The following ADAMTS3 variants were observed in gnomAD, a reference collection of about 807,000 sequenced individuals.
The protein encoded by ADAMTS3 is A disintegrin and metalloproteinase with thrombospondin motifs 3.
In ADAMTS3, 73 loss-of-function variants were observed where a neutral mutation model predicts 129.0. The ratio of observed to expected loss-of-function variants is 0.57; its 90% CI spans 0.47 to 0.69. The LOEUF (loss-of-function observed/expected upper bound fraction) is 0.69. Ranked by LOEUF, ADAMTS3 falls within the 30% of genes least tolerant of loss-of-function variation. The pLI is 0.00. For missense variants in ADAMTS3, 1,457 were observed against 1,514.5 expected (o/e 0.96, Z 0.63); for synonymous variants, 477 against 510.8 (o/e 0.93, Z 0.89).
intron 3 of ADAMTS3, among the ~76,000 whole-genome samples, chr4:72,479,465 T>C (rs1719358343): frequency 6.6e-6 from 1 of 152,202 alleles, no homozygotes; most frequent in East Asian, 1.9e-4. Flanking sequence ...ATTTAATAAA[T>C]GGTGCTGGGA....
At position 72,377,445 on chromosome 4, in the gene ADAMTS3, G is replaced by A. The variant is rs182883075; in HGVS notation, c.661+37370C>T. 1.1e-3 allele frequency among the ~76,000 whole-genome samples: 160 copies of A among 152,266 alleles called. 2 individuals are homozygous for A. Among genetic ancestry groups the A allele is most frequent in the African/African-American group, 3.7e-3 (152 of 41,560 alleles). Reference sequence around the variant, plus strand: ...GAGGAAAAAGGATTTAGGATTATATGTCATTACAGAATAACTCCACTTGAG... The same window carrying A: ...GAGGAAAAAGGATTTAGGATTATATATCATTACAGAATAACTCCACTTGAG... On this transcript the variant is annotated intron_variant, in intron 4 of 21. Transcript: ENST00000286657.
intron 3 of ADAMTS3, among the ~76,000 whole-genome samples, chr4:72,495,818 T>C (rs888526823): frequency 1.3e-5 from 2 of 152,186 alleles, no homozygotes. Flanking sequence ...TATTTAAGCC[T>C]GGTTAAAAGA....
chr4:72,448,442 G>A (rs923764705), intron 3 of ADAMTS3, among the ~76,000 whole-genome samples: 10 of 151,648 alleles, frequency 6.6e-5, no homozygotes, highest in Non-Finnish European at 8.8e-5. Flanking sequence ...CCAAAGCATC[G>A]GTAACAAACT....
chr4:72,406,977 T>C (rs1722067457), intron 4 of ADAMTS3, among the ~76,000 whole-genome samples: 1 of 152,116 alleles, frequency 6.6e-6, no homozygotes, highest in South Asian at 2.1e-4. Flanking sequence ...GATAGCAACC[T>C]AAGGTGAACC....
intron 4 of ADAMTS3, among the ~76,000 whole-genome samples, chr4:72,389,005 T>C: frequency 6.6e-6 from 1 of 152,216 alleles, no homozygotes; most frequent in Non-Finnish European, 1.5e-5. Context: ...TGGGGGCTGG[T>C]CACGTAGCCA....
At chr4:72,336,538 G>A (rs1007867816) in intron 5 of ADAMTS3, among the ~76,000 whole-genome samples, 1 of 152,118 alleles carries the variant, frequency 6.6e-6, no homozygotes, top group Non-Finnish European at 1.5e-5. Context: ...GCCTGCTCAG[G>A]TCAGTATTTT....
intron 3 of ADAMTS3, among the ~76,000 whole-genome samples, chr4:72,450,708 C>T (rs558519601): frequency 2.0e-5 from 3 of 151,554 alleles, no homozygotes; most frequent in African/African-American, 4.8e-5. Flanking sequence ...CTCCATGAAG[C>T]TTCTCTCAAT....
chr4:72,329,467 G>A lies in ADAMTS3; in HGVS notation c.862-6370C>T, dbSNP rs140286017. On this transcript the variant is annotated intron_variant, in intron 5 of 21. Transcript: ENST00000286657. ...CCTATAGAGAACAGACATTGTCATT[G>A]CTACTTTATAAAGAGACTGAGACCA... Among the ~76,000 whole-genome samples the A allele has an allele frequency of 1.5e-3, 229 of 152,268 alleles. 1 individual carries two copies. Among genetic ancestry groups the A allele is most frequent in the African/African-American group, 5.3e-3 (221 of 41,570 alleles).
At position 72,281,319 on chromosome 4, in the gene ADAMTS3, G is replaced by A. The variant is rs1351023734; in HGVS notation, c.*1817C>T. On this transcript the variant is annotated 3_prime_UTR_variant, in exon 22 of 22. Transcript: ENST00000286657. ...AGCAGCAATTCTTTAGAGGTATAGA[G>A]TCAATAGTTTAAGCTGTTAGTTTAC... The A allele has an allele frequency of 6.6e-6, 1 of 152,570 alleles. No individual in the cohort carries two copies. Among genetic ancestry groups the A allele is most frequent in the African/African-American group, 2.4e-5 (1 of 41,454 alleles). The allele number at this position is 152,570 out of a possible 1,614,324, so 9.5% of individuals were successfully genotyped here.
At chr4:72,348,303 T>C (rs563036943) in intron 4 of ADAMTS3, among the ~76,000 whole-genome samples, 2 of 152,008 alleles carry the variant, frequency 1.3e-5, no homozygotes, top group East Asian at 3.9e-4. Flanking sequence ...TAGATAAGGT[T>C]CTCAAAAGAA....
intron 4 of ADAMTS3, among the ~76,000 whole-genome samples, chr4:72,369,909 A>C (rs1381845697): frequency 2.0e-5 from 3 of 152,020 alleles, no homozygotes; most frequent in Non-Finnish European, 4.4e-5. Flanking sequence ...CAAGCCATCT[A>C]TGTTCTTTTC....
Position 72,383,188 on chromosome 4 carries a change from G to T in ADAMTS3, c.661+31627C>A, listed in dbSNP as rs569876810. On this transcript the variant is annotated intron_variant, in intron 4 of 21. Transcript: ENST00000286657. ...AATGACAGCAGTTCACTTCTGGGATGGTTAAGTACTTCCTCTCCAACCAAT... is the reference window on the plus strand; with the variant it reads ...AATGACAGCAGTTCACTTCTGGGATTGTTAAGTACTTCCTCTCCAACCAAT... Among the ~76,000 whole-genome samples the T allele has an allele frequency of 7.9e-5, 12 of 151,288 alleles. No individual in the cohort carries two copies. In the South Asian group the frequency reaches 2.5e-3, roughly 32 times the overall value.
Position 72,336,186 on chromosome 4 carries a change from ATCT to A in ADAMTS3, c.861+3305_861+3307del, listed in dbSNP as rs1719983443. Among the ~76,000 whole-genome samples, 3 of 152,218 alleles carry A rather than the reference ATCT, an allele frequency of 2.0e-5. No homozygotes were observed. The South Asian group carries it at 6.2e-4, about 32-fold the overall frequency. On this transcript the variant is annotated intron_variant, in intron 5 of 21. Transcript: ENST00000286657. Reference sequence around the variant, plus strand: ...ACCAACAATTTTAAAGGACAGCATGATCTTCTCTCTACCATAGGGACACCTTTC... The same window carrying A: ...ACCAACAATTTTAAAGGACAGCATGATCTCTCTACCATAGGGACACCTTTC...
intron 3 of ADAMTS3, among the ~76,000 whole-genome samples, chr4:72,525,061 C>G (rs1439069335): frequency 6.6e-6 from 1 of 152,168 alleles, no homozygotes; most frequent in East Asian, 1.9e-4. Context: ...ATCTATAAAG[C>G]TATAAGTATG....
intron 3 of ADAMTS3, among the ~76,000 whole-genome samples, chr4:72,544,999 C>T (rs1051138402): frequency 6.6e-6 from 1 of 151,768 alleles, no homozygotes; most frequent in Non-Finnish European, 1.5e-5. Context: ...CCAGGTGGTA[C>T]TTATAATAAT....
chr4:72,510,819 CAAAAAAAAAAAA>C (rs869030257), intron 3 of ADAMTS3, among the ~76,000 whole-genome samples: 2 of 63,646 alleles, frequency 3.1e-5, no homozygotes, highest in African/African-American at 5.9e-5. Flanking sequence ...ATCCTTAAGC[CAAAAAAAAAAAA>C]AAAAAAAAAA....
chr4:72,495,082 A>C (rs1719842457), intron 3 of ADAMTS3, among the ~76,000 whole-genome samples: 1 of 152,184 alleles, frequency 6.6e-6, no homozygotes, highest in Admixed American at 6.6e-5. Context: ...CGGGTCTGGG[A>C]CACAGGTGCC....
intron 4 of ADAMTS3, among the ~76,000 whole-genome samples, chr4:72,358,466 T>C (rs1168558680): frequency 1.3e-5 from 2 of 151,990 alleles, no homozygotes; most frequent in Admixed American, 6.6e-5. Context: ...ATATATAATA[T>C]ACTGCTTTTT....
intron 4 of ADAMTS3, among the ~76,000 whole-genome samples, chr4:72,367,058 A>C (rs1043332084): frequency 6.6e-6 from 1 of 152,164 alleles, no homozygotes; most frequent in Non-Finnish European, 1.5e-5. Context: ...TGTAATGAAA[A>C]GGGCTGGTAG....
Sources: allele counts gnomAD v4.1 joint callset (sites outside exome capture counted in the v4.1 genomes callset), GRCh38; gene constraint gnomAD v4.1.1; transcripts MANE v1.5; gene names NCBI Gene and HGNC (gene_info 2026-07-23, HGNC 2026-07-21).